CYP3A5: variants seen among roughly 807,000 people sequenced by gnomAD.
The protein encoded by CYP3A5 is cytochrome P450 3A5.
A neutral mutation model predicts 55.9 loss-of-function variants in CYP3A5; 51 were observed. The observed-to-expected ratio is 0.91, with a 90% CI of 0.73 to 1.15. The LOEUF is 1.15. Among genes scored for constraint, CYP3A5 ranks in the 50% most tolerant of loss-of-function variants. CYP3A5 has a pLI of 0.00. For missense variants in CYP3A5, 533 were observed against 596.6 expected (o/e 0.89, Z 1.11); for synonymous variants, 196 against 213.9 (o/e 0.92, Z 0.73).
At position 99,656,825 on chromosome 7, in the gene CYP3A5, G is replaced by A. The variant is rs530792331; in HGVS notation, c.1026+3674C>T. On this transcript the variant is annotated intron_variant, in intron 10 of 12. Coordinates refer to ENST00000222982, the MANE Select transcript of CYP3A5 (RefSeq NM_000777.5). The stretch of plus-strand genomic sequence containing the variant: ...TTAGTCTTGGGAGAGTGTATGTGTC[G>A]AGGAATTTATCCATTTCTTCTAGAT... Among the ~76,000 whole-genome samples, 30 of 152,146 alleles carry A rather than the reference G, an allele frequency of 2.0e-4. No individual in the cohort carries two copies. In the South Asian group the frequency reaches 2.5e-3, roughly 13 times the overall value.
Position 99,665,226 on chromosome 7 carries a change from C to T in CYP3A5, c.610G>A (p.Val204Met). Residue 204 changes from valine to methionine, a missense_variant, in exon 7 of 13, where the codon GTG becomes ATG. Coordinates refer to ENST00000222982, the MANE Select transcript of CYP3A5 (RefSeq NM_000777.5). ...TTTAGGAACTTCTTAGTGCTCTCCA[C>T]AAAGGGGTCTTGTGGATTGTTGAGA... ...DSLNNPQDPF[V>M]ESTKKFLKFG... The T allele has an allele frequency of 1.2e-6, 2 of 1,614,138 alleles. No homozygotes were observed. Among genetic ancestry groups the T allele is most frequent in the Non-Finnish European group, 8.5e-7 (1 of 1,179,990 alleles).
intron 2 of CYP3A5, among the ~76,000 whole-genome samples, chr7:99,674,851 T>A (rs1317642793): frequency 6.6e-6 from 1 of 152,232 alleles, no homozygotes; most frequent in Non-Finnish European, 1.5e-5. Flanking sequence ...ATTCCTTGTC[T>A]TTCTGATGTA....
chr7:99,657,607 T>G (rs1460666958), intron 10 of CYP3A5, among the ~76,000 whole-genome samples: 1 of 152,248 alleles, frequency 6.6e-6, no homozygotes, highest in Non-Finnish European at 1.5e-5. Flanking sequence ...GTCCACTTTG[T>G]GCAGAGCTGA....
At position 99,676,133 on chromosome 7, in the gene CYP3A5, A is replaced by G. The variant is rs1207083836; in HGVS notation, c.147T>C (p.Asn49=). The change falls in exon 2 of 13, where the codon AAT becomes AAC. Residue 49 remains asparagine (N), a synonymous_variant. Coordinates refer to ENST00000222982, the MANE Select transcript of CYP3A5 (RefSeq NM_000777.5). ...AACTCACCTGACGATAGGACAAAAC[A>G]TTTCCCAACAAAGGCAGAGGTGTGG... is the stretch of plus-strand genomic sequence containing the variant. ...PGPTPLPLLG[N]VLSYRQGLWK... The G allele has an allele frequency of 6.2e-7, 1 of 1,613,704 alleles. No individual in the cohort carries two copies. The highest frequency in any genetic ancestry group is 2.2e-5 in the East Asian group (1 of 44,854).
intron 1 of CYP3A5, 123 bp from the exon 2 acceptor site, chr7:99,676,331 C>T (rs1308426633): frequency 6.4e-7 from 1 of 1,558,162 alleles, no homozygotes; most frequent in South Asian, 1.1e-5. Context: ...TAAATAATAA[C>T]AGCAACTCCA....
intron 10 of CYP3A5, chr7:99,659,870 G>C (rs1281233958): frequency 6.6e-6 from 1 of 152,558 alleles, no homozygotes; most frequent in African/African-American, 2.4e-5. Flanking sequence ...AGGACCCTCC[G>C]AGCCATGCGC....
At chr7:99,655,562 G>T (rs1241072262) in intron 10 of CYP3A5, among the ~76,000 whole-genome samples, 1 of 152,192 alleles carries the variant, frequency 6.6e-6, no homozygotes, top group Non-Finnish European at 1.5e-5. Flanking sequence ...GGCAATGCGG[G>T]CTCTTTTTTG....
chr7:99,651,723 C>T (rs946878129), intron 11 of CYP3A5, among the ~76,000 whole-genome samples: 1 of 152,228 alleles, frequency 6.6e-6, no homozygotes. Flanking sequence ...CTTAATAATA[C>T]AGTAATGGGA....
chr7:99,665,990 A>C (rs897835666), intron 6 of CYP3A5, among the ~76,000 whole-genome samples: 3 of 152,242 alleles, frequency 2.0e-5, no homozygotes, highest in African/African-American at 7.2e-5. Flanking sequence ...ACATGTCCCA[A>C]GTCTGAACAG....
chr7:99,665,870 G>A (rs1810960011), intron 6 of CYP3A5, among the ~76,000 whole-genome samples: 1 of 152,152 alleles, frequency 6.6e-6, no homozygotes, highest in Admixed American at 6.5e-5. Context: ...CTGACCTGAA[G>A]TTGCGCTGAG....
At chr7:99,678,986 A>G (rs917741994) in intron 1 of CYP3A5, among the ~76,000 whole-genome samples, 20 of 152,220 alleles carry the variant, frequency 1.3e-4, no homozygotes, top group Non-Finnish European at 2.2e-4. Context: ...AAGGGGAAAA[A>G]TATGTAAAAT....
At chr7:99,671,904 A>C in intron 4 of CYP3A5, 1 of 700,758 alleles carries the variant, frequency 1.4e-6, no homozygotes, top group Non-Finnish European at 2.6e-6. Flanking sequence ...ATTGCTTAGA[A>C]CTACCCACAC....
intron 4 of CYP3A5, among the ~76,000 whole-genome samples, chr7:99,667,775 A>G (rs1211868829): frequency 6.6e-6 from 1 of 152,206 alleles, no homozygotes; most frequent in Non-Finnish European, 1.5e-5. Context: ...TAAACTAGGA[A>G]GAGAGAGACA....
At chr7:99,650,450 T>C (rs1157824999) in intron 11 of CYP3A5, among the ~76,000 whole-genome samples, 2 of 152,226 alleles carry the variant, frequency 1.3e-5, no homozygotes, top group Non-Finnish European at 2.9e-5. Context: ...TAGGAGCGTT[T>C]CTTGAGATGA....
chr7:99,676,581 G>A (rs773892364), intron 1 of CYP3A5: 8 of 1,350,890 alleles, frequency 5.9e-6, no homozygotes, highest in Non-Finnish European at 7.8e-6. Flanking sequence ...CTCATCCTAG[G>A]TAGAAAGAGT....
At chr7:99,650,986 A>T (rs570794698) in intron 11 of CYP3A5, among the ~76,000 whole-genome samples, 2 of 152,216 alleles carry the variant, frequency 1.3e-5, no homozygotes, top group African/African-American at 2.4e-5. Context: ...TAAGGAAAAA[A>T]TGTTGATTCA....
At chr7:99,674,939 A>G (rs1812072125) in intron 2 of CYP3A5, among the ~76,000 whole-genome samples, 1 of 152,226 alleles carries the variant, frequency 6.6e-6, no homozygotes, top group African/African-American at 2.4e-5. Flanking sequence ...GGTGAAACTG[A>G]GGTGAGGAAA....
In CYP3A5 at chr7:99,672,542, A is replaced by G. The variant is rs28365074; in HGVS notation, c.318+38T>C. 787 of 1,515,650 alleles carry G rather than the reference A, an allele frequency of 5.2e-4. 1 individual carries two copies. In the African/African-American group the frequency reaches 8.9e-3, roughly 17 times the overall value. The allele number at this position is 1,515,650 out of a possible 1,614,324, so 93.9% of individuals were successfully genotyped here. On this transcript the variant is annotated intron_variant, in intron 4 of 12. Coordinates refer to ENST00000222982, the MANE Select transcript of CYP3A5 (RefSeq NM_000777.5). ...TTCAAAATAAAAATTTAATCAGTGG[A>G]TCAATCATTATTTAAATTTCAAAAA... is the stretch of plus-strand genomic sequence containing the variant.
rs745871984 is a variant in CYP3A5, at chr7:99,665,158, C to A, written c.670+8G>T. 1.1e-5 allele frequency: 18 copies of A among 1,598,654 alleles called. No homozygotes were observed. The highest frequency in any genetic ancestry group is 1.5e-5 in the Non-Finnish European group (17 of 1,169,056). On this transcript the variant is annotated splice_region_variant and intron_variant, in intron 7 of 12. Coordinates refer to ENST00000222982, the MANE Select transcript of CYP3A5 (RefSeq NM_000777.5). ...TAAAAAGAGAGAAAGAAATAATAGC[C>A]CACATACTTATTGAGAGAAATAATG...
Sources: gnomAD v4.1 joint callset for allele counts (sites outside exome capture counted in the v4.1 genomes callset) on GRCh38, gnomAD v4.1.1 for gene constraint, MANE v1.5 for transcripts, NCBI Gene and HGNC (gene_info 2026-07-23, HGNC 2026-07-21) for gene names.